TRIM24: variants seen among roughly 807,000 people sequenced by gnomAD.
The protein encoded by TRIM24 is tripartite motif containing 24, also known as transcription intermediary factor 1-alpha.
TRIM24 carries 29 observed loss-of-function variants against 123.9 expected under a neutral mutation model. That is an observed-to-expected ratio of 0.23 (90% CI 0.17 to 0.32). TRIM24 has a LOEUF of 0.32. Ranked by LOEUF, TRIM24 falls within the 10% of genes least tolerant of loss-of-function variation. The pLI, the probability that TRIM24 is intolerant of heterozygous loss-of-function variation, is 1.00. For synonymous variants in TRIM24, 456 were observed against 461.1 expected, an observed-to-expected ratio of 0.99 and a Z score of 0.14; for missense variants, 932 against 1,295.3, an observed-to-expected ratio of 0.72 and a Z score of 4.31.
At chr7:138,579,092 A>C in intron 14 of TRIM24, 112 bp from the exon 15 acceptor site, 1 of 808,588 alleles carries the variant, frequency 1.2e-6, no homozygotes, top group Non-Finnish European at 1.9e-6. Flanking sequence ...CTTCTCCTGA[A>C]GATTCCTTTG....
chr7:138,472,022 G>GA (rs201989262), intron 1 of TRIM24, among the ~76,000 whole-genome samples: 2,041 of 151,346 alleles, frequency 0.013, 37 homozygotes, highest in African/African-American at 0.045. Context: ...ACTAAAAAAA[G>GA]AAAAAAAACC....
Position 138,554,893 on chromosome 7 carries a change from G to A in TRIM24, c.1457G>A (p.Arg486Gln), listed in dbSNP as rs201288398. The change falls in exon 9 of 19, where the codon CGG (arginine) becomes CAG (glutamine). Residue 486 changes from arginine (R) to glutamine (Q), a missense_variant. By Grantham distance (43) the Arg-to-Gln change is conservative. Around this residue, in one of 7 missense-constraint regions of TRIM24, gnomAD observed 527 missense variants for 691.3 expected, o/e 0.76. Transcript: ENST00000343526. This position sits in a 1 kb window ranked among gnomAD's most constrained non-coding sequence, Gnocchi z 4.5. Reference protein sequence around the residue: ...QVMAQRQQVQRRPAPVGLPNP... With the variant: ...QVMAQRQQVQQRPAPVGLPNP... The stretch of plus-strand genomic sequence containing the variant: ...ATGGCTCAGAGGCAACAGGTGCAAC[G>A]GAGGCCAGCACCTGTGGGTTTACCA... 7.4e-6 allele frequency: 12 copies of A among 1,613,978 alleles called. No individual in the cohort carries two copies. Among genetic ancestry groups the A allele is most frequent in the South Asian group, 1.1e-5 (1 of 91,086 alleles).
At chr7:138,508,696 C>CGCGCGCGCGCGT (rs1563038802) in intron 2 of TRIM24, among the ~76,000 whole-genome samples, 1 of 33,434 alleles carries the variant, frequency 3.0e-5, no homozygotes, top group Non-Finnish European at 7.3e-5. Flanking sequence ...TGTGTGTGCG[C>CGCGCGCGCGCGT]GCGCGTGTGT....
At chr7:138,511,578 C>T (rs1038838860) in intron 2 of TRIM24, among the ~76,000 whole-genome samples, 1 of 152,184 alleles carries the variant, frequency 6.6e-6, no homozygotes, top group Non-Finnish European at 1.5e-5. Context: ...GCGTGAGCCA[C>T]TGCGCCTGGC....
At position 138,589,147 on chromosome 7, in the gene TRIM24, A is replaced by G. The variant is rs1165612516; in HGVS notation, c.*4196A>G. ...GTAAATTAATAGTTGATGTCTTTTTATAAATGTTTATTGCATATTCATCTT... is the reference window on the plus strand; with the variant it reads ...GTAAATTAATAGTTGATGTCTTTTTGTAAATGTTTATTGCATATTCATCTT... On this transcript the variant is annotated 3_prime_UTR_variant, in exon 19 of 19. Transcript: ENST00000343526. 2.6e-5 allele frequency: 4 copies of G among 152,144 alleles called. No individual in the cohort carries two copies. The highest frequency in any genetic ancestry group is 9.7e-5 in the African/African-American group (4 of 41,420). The allele number at this position is 152,144 out of a possible 1,614,324, so 9.4% of individuals were successfully genotyped here.
At position 138,587,278 on chromosome 7, in the gene TRIM24, A is replaced by C. The variant is rs1179027799; in HGVS notation, c.*2327A>C. 2 of 152,218 alleles carry C rather than the reference A, an allele frequency of 1.3e-5. No homozygotes were observed. Among genetic ancestry groups the C allele is most frequent in the African/African-American group, 4.8e-5 (2 of 41,454 alleles). The allele number at this position is 152,218 out of a possible 1,614,324, so 9.4% of individuals were successfully genotyped here. A position where few individuals can be genotyped will look rare whatever the true frequency, so the allele number is the denominator to read the frequency against. On this transcript the variant is annotated 3_prime_UTR_variant, in exon 19 of 19. Coordinates refer to ENST00000343526, the MANE Select transcript of TRIM24 (RefSeq NM_015905.3). ...TGAGACAGGAGAATCACTTGAACGC[A>C]GGAGGCAGAAGTTGCAGTGAGCCAA... is the stretch of plus-strand genomic sequence containing the variant.
chr7:138,565,158 C>G, intron 9 of TRIM24, among the ~76,000 whole-genome samples: 1 of 152,216 alleles, frequency 6.6e-6, no homozygotes, highest in Middle Eastern at 3.4e-3. Flanking sequence ...CTCCTGGAAC[C>G]GCCTCTTTCA....
intron 4 of TRIM24, among the ~76,000 whole-genome samples, chr7:138,520,774 G>A (rs961770814): frequency 8.5e-5 from 13 of 152,188 alleles, no homozygotes; most frequent in African/African-American, 1.2e-4. Flanking sequence ...AGCATGAAAC[G>A]AGAATTAATG....
intron 6 of TRIM24, among the ~76,000 whole-genome samples, chr7:138,534,500 C>A (rs894622541): frequency 2.6e-5 from 4 of 152,144 alleles, no homozygotes; most frequent in African/African-American, 9.7e-5. Flanking sequence ...GCAGGTTGTT[C>A]AGTTTCCATG....
At position 138,562,129 on chromosome 7, in the gene TRIM24, G is replaced by A. The variant is rs576491940; in HGVS notation, c.1531-5352G>A. Among the ~76,000 whole-genome samples the A allele has an allele frequency of 1.3e-5, 2 of 152,266 alleles. 1 individual carries two copies. The highest frequency in any genetic ancestry group is 4.8e-5 in the African/African-American group (2 of 41,554). ...GGAGGAGGTCTTGGGTTCCTTGAAA[G>A]CAGTCTTCTTGGGTTGGGGCTGCCA... is the stretch of plus-strand genomic sequence containing the variant. On this transcript the variant is annotated intron_variant, in intron 9 of 18. Coordinates refer to ENST00000343526, the MANE Select transcript of TRIM24 (RefSeq NM_015905.3).
intron 1 of TRIM24, among the ~76,000 whole-genome samples, chr7:138,501,672 G>C (rs1036817484): frequency 1.2e-4 from 18 of 152,034 alleles, no homozygotes; most frequent in African/African-American, 4.3e-4. Context: ...CAGATCACGA[G>C]GTCAGGAGAT....
intron 1 of TRIM24, among the ~76,000 whole-genome samples, chr7:138,482,100 T>C (rs915789692): frequency 6.6e-5 from 10 of 152,206 alleles, no homozygotes; most frequent in African/African-American, 2.4e-4. Flanking sequence ...TGTTACTACC[T>C]GCACCAGGGC....
Position 138,571,017 on chromosome 7 carries a change from A to G in TRIM24, c.1878+14A>G, listed in dbSNP as rs1173118530. ...TCTCTTCCGGATGTAAGTAGACACA[A>G]AATTTATACTAGCCTCTGTTGAAAA... On this transcript the variant is annotated intron_variant, in intron 11 of 18. Transcript: ENST00000343526. The G allele has an allele frequency of 1.2e-6, 2 of 1,613,196 alleles. No individual in the cohort carries two copies. The highest frequency in any genetic ancestry group is 1.7e-6 in the Non-Finnish European group (2 of 1,179,472).
At chr7:138,502,297 T>C (rs1796057510) in intron 1 of TRIM24, among the ~76,000 whole-genome samples, 1 of 152,190 alleles carries the variant, frequency 6.6e-6, no homozygotes, top group South Asian at 2.1e-4. Flanking sequence ...TCATGTGAAA[T>C]TGTTACAACA....
At chr7:138,562,824 G>A (rs1563060962) in intron 9 of TRIM24, among the ~76,000 whole-genome samples, 1 of 152,102 alleles carries the variant, frequency 6.6e-6, no homozygotes, top group East Asian at 1.9e-4. Context: ...GGACGGTAAG[G>A]GTTAACACCA....
At chr7:138,474,059 T>C (rs1584685700) in intron 1 of TRIM24, among the ~76,000 whole-genome samples, 1 of 151,724 alleles carries the variant, frequency 6.6e-6, no homozygotes, top group Non-Finnish European at 1.5e-5. Flanking sequence ...GCATGAGCCA[T>C]GGCACCCAGT....
At position 138,584,807 on chromosome 7, in the gene TRIM24, C is replaced by A. The variant is rs145851335; in HGVS notation, c.3009C>A (p.Asn1003Lys). 4 of 1,613,170 alleles carry A rather than the reference C, an allele frequency of 2.5e-6. No homozygotes were observed. The East Asian group carries it at 6.7e-5, about 27-fold the overall frequency. Residue 1003 changes from asparagine to lysine, a missense_variant, in exon 19 of 19, where the codon AAC (asparagine) becomes AAA (lysine). Asn to Lys is a moderately conservative substitution (Grantham distance 94). Transcript: ENST00000343526. ...LENYFEELLK[N>K]LYPEKRFPKP... ...ATTATTTTGAAGAACTTCTAAAGAA[C>A]CTCTATCCAGAAAAAAGGTTTCCCA...
Position 138,529,122 on chromosome 7 carries a change from T to G in TRIM24, c.888T>G (p.Ile296Met). 6.5e-7 allele frequency: 1 copy of G among 1,530,780 alleles called. No homozygotes were observed. The highest frequency in any genetic ancestry group is 8.8e-7 in the Non-Finnish European group (1 of 1,137,062). 94.8% of individuals were successfully genotyped at this position (1,530,780 alleles called of 1,614,324 possible). The change falls in exon 6 of 19, where the codon ATT becomes ATG. Residue 296 changes from isoleucine to methionine, a missense_variant. By Grantham distance (10) the Ile-to-Met change is conservative. Transcript: ENST00000343526. ...FTGNQIQNRI[I>M]EVNQNQKQVE... ...TCCCCGTTTTAATTTTCAGAATTAT[T>G]GAAGTAAATCAAAATCAAAAGCAGG...
chr7:138,510,565 G>A (rs1007090870), intron 2 of TRIM24, among the ~76,000 whole-genome samples: 9 of 152,060 alleles, frequency 5.9e-5, no homozygotes, highest in Non-Finnish European at 1.2e-4. Flanking sequence ...GGGACTACAG[G>A]CGCATACTGC....
Sources: allele counts gnomAD v4.1 joint callset (sites outside exome capture counted in the v4.1 genomes callset), GRCh38; gene constraint gnomAD v4.1.1; regional missense constraint gnomAD v4.1.1; non-coding constraint Gnocchi (gnomAD v3.1); transcripts MANE v1.5; gene names NCBI Gene and HGNC (gene_info 2026-07-23, HGNC 2026-07-21).